Variants in ARL15 observed in about 807,000 individuals in gnomAD.
ARL15 encodes the protein ADP-ribosylation factor-like protein 15.
Under a neutral mutation model 25.2 loss-of-function variants are expected in ARL15, and 19 were observed. The observed-to-expected ratio is 0.75, with a 90% CI of 0.53 to 1.10. ARL15 has a LOEUF of 1.10. Ranked by LOEUF, ARL15 falls within the 50% of genes least tolerant of loss-of-function variation. The probability of loss-of-function intolerance (pLI) is 0.00; values close to 1 mark genes in which losing one functional copy is unlikely to be tolerated. For missense variants in ARL15, 220 were observed against 246.0 expected (o/e 0.89, Z 0.71); for synonymous variants, 94 against 86.8 (o/e 1.08, Z -0.46).
chr5:54,295,820 G>T (rs184499650), intron 1 of ARL15, among the ~76,000 whole-genome samples: 21 of 152,256 alleles, frequency 1.4e-4, no homozygotes, highest in Admixed American at 1.2e-3. Context: ...ACCATACCCT[G>T]CCTCTCAGGA....
intron 4 of ARL15, among the ~76,000 whole-genome samples, chr5:54,086,171 T>C (rs1266758537): frequency 6.6e-6 from 1 of 152,070 alleles, no homozygotes; most frequent in Non-Finnish European, 1.5e-5. Flanking sequence ...GCCTCGGCCT[T>C]CCAAAGTGCT....
intron 4 of ARL15, among the ~76,000 whole-genome samples, chr5:53,901,620 T>G (rs922302856): frequency 3.3e-5 from 5 of 151,422 alleles, no homozygotes; most frequent in Admixed American, 2.6e-4. Flanking sequence ...TTTAAGTTTT[T>G]TTTTTAAACT....
chr5:53,962,288 T>G, intron 4 of ARL15, among the ~76,000 whole-genome samples: 1 of 152,168 alleles, frequency 6.6e-6, no homozygotes, highest in Non-Finnish European at 1.5e-5. Context: ...ACTTGTGTAT[T>G]CTATCCCATG....
chr5:54,003,348 C>A (rs1448354734), intron 4 of ARL15, among the ~76,000 whole-genome samples: 2 of 152,196 alleles, frequency 1.3e-5, no homozygotes, highest in Non-Finnish European at 1.5e-5. Flanking sequence ...GAGCTGGGAA[C>A]AACATGGCTA....
At chr5:54,279,948 A>G (rs890862290) in intron 1 of ARL15, among the ~76,000 whole-genome samples, 3 of 152,212 alleles carry the variant, frequency 2.0e-5, no homozygotes, top group African/African-American at 7.2e-5. Flanking sequence ...CTTCAGGTCT[A>G]CCATGGCATT....
At chr5:54,279,400 G>A (rs1041119306) in intron 1 of ARL15, among the ~76,000 whole-genome samples, 5 of 152,250 alleles carry the variant, frequency 3.3e-5, no homozygotes, top group African/African-American at 1.2e-4. Context: ...TCTGTTGAGG[G>A]ATCTCTTCCT....
chr5:54,105,482 T>C (rs1032502156), intron 4 of ARL15, among the ~76,000 whole-genome samples: 5 of 152,218 alleles, frequency 3.3e-5, no homozygotes, highest in African/African-American at 1.2e-4. Context: ...TTATAAAATA[T>C]TTAAATATGC....
intron 4 of ARL15, among the ~76,000 whole-genome samples, chr5:54,016,694 A>G (rs1255737675): frequency 1.3e-5 from 2 of 152,138 alleles, no homozygotes; most frequent in African/African-American, 2.4e-5. Context: ...ACAGCATGCT[A>G]CAGACCTCGC....
intron 1 of ARL15, among the ~76,000 whole-genome samples, chr5:54,186,565 C>T (rs1755246185): frequency 6.6e-6 from 1 of 152,208 alleles, no homozygotes; most frequent in Non-Finnish European, 1.5e-5. Context: ...TATCAGATGT[C>T]AGCTGATCTC....
At chr5:54,178,139 G>A (rs753984967) in intron 1 of ARL15, among the ~76,000 whole-genome samples, 1 of 152,130 alleles carries the variant, frequency 6.6e-6, no homozygotes, top group African/African-American at 2.4e-5. Flanking sequence ...GTTACTAGAC[G>A]AGAATCTAGC....
chr5:54,066,873 T>C (rs72750236), intron 4 of ARL15, among the ~76,000 whole-genome samples: 15,031 of 152,174 alleles, frequency 0.099, 959 homozygotes, highest in Non-Finnish European at 0.15. Context: ...TAACAGAAAC[T>C]AAAGCATAAT....
intron 4 of ARL15, among the ~76,000 whole-genome samples, chr5:54,110,458 T>C (rs1752707876): frequency 6.6e-6 from 1 of 152,082 alleles, no homozygotes; most frequent in Non-Finnish European, 1.5e-5. Flanking sequence ...CAATAGCCTT[T>C]ATGACTGATT....
rs1745569039 is a variant in ARL15, at chr5:53,914,494, C to T, written c.463-27781G>A. ...TCCCTTCTTTGTTTTCCTTGCTCTC[C>T]CTTCCCTGAAGAATTGACTGCTCCC... On this transcript the variant is annotated intron_variant, in intron 4 of 4. Coordinates refer to ENST00000504924, the MANE Select transcript of ARL15 (RefSeq NM_019087.3). Among the ~76,000 whole-genome samples the T allele has an allele frequency of 2.6e-5, 4 of 152,170 alleles. No individual in the cohort carries two copies. The South Asian group carries it at 8.3e-4, about 31-fold the overall frequency.
At chr5:54,133,510 G>A (rs1322499061) in intron 3 of ARL15, among the ~76,000 whole-genome samples, 1 of 152,106 alleles carries the variant, frequency 6.6e-6, no homozygotes, top group African/African-American at 2.4e-5. Context: ...CAGGCATATC[G>A]CTATTAACAG....
At chr5:54,004,758 T>C (rs762896893) in intron 4 of ARL15, among the ~76,000 whole-genome samples, 59 of 151,498 alleles carry the variant, frequency 3.9e-4, no homozygotes, top group Non-Finnish European at 8.2e-4. Flanking sequence ...TACGAGCATC[T>C]GCGATTACAT....
At position 54,139,351 on chromosome 5, in the gene ARL15, A is replaced by G. The variant is rs558906827; in HGVS notation, c.253+15229T>C. 3.9e-5 allele frequency among the ~76,000 whole-genome samples: 6 copies of G among 152,322 alleles called. No individual in the cohort carries two copies. The South Asian group carries it at 1.2e-3, about 32-fold the overall frequency. The stretch of plus-strand genomic sequence containing the variant: ...TCAGCCATTAAAAAAGAACAGAATA[A>G]TGACTTTTGCAGCAACTTGCGTGAA... On this transcript the variant is annotated intron_variant, in intron 3 of 4. Transcript: ENST00000504924.
At chr5:54,050,912 T>C (rs1750685023) in intron 4 of ARL15, among the ~76,000 whole-genome samples, 1 of 152,206 alleles carries the variant, frequency 6.6e-6, no homozygotes, top group South Asian at 2.1e-4. Flanking sequence ...ATTATGAATA[T>C]AATGTCACAA....
rs889050276 is a variant in ARL15, at chr5:54,122,093, G to A, written c.254-8683C>T. ...TTCTGTAATTCCTGAGAAAACCAATGTTATAAAAAAATAAACCAAAGTTTT... is the reference window on the plus strand; with the variant it reads ...TTCTGTAATTCCTGAGAAAACCAATATTATAAAAAAATAAACCAAAGTTTT... On this transcript the variant is annotated intron_variant, in intron 3 of 4. Coordinates refer to ENST00000504924, the MANE Select transcript of ARL15 (RefSeq NM_019087.3). 2.0e-5 allele frequency among the ~76,000 whole-genome samples: 3 copies of A among 152,254 alleles called. 1 individual carries two copies. The highest frequency in any genetic ancestry group is 6.8e-3 in the Middle Eastern group (2 of 294).
intron 4 of ARL15, among the ~76,000 whole-genome samples, chr5:53,916,844 C>T (rs1204470679): frequency 6.6e-6 from 1 of 152,154 alleles, no homozygotes; most frequent in Non-Finnish European, 1.5e-5. Context: ...TTTCAAACAT[C>T]CCAACATTTG....
Sources: allele counts gnomAD v4.1 joint callset (sites outside exome capture counted in the v4.1 genomes callset), GRCh38; gene constraint gnomAD v4.1.1; transcripts MANE v1.5; gene names NCBI Gene and HGNC (gene_info 2026-07-23, HGNC 2026-07-21).